STRN3: variants seen among roughly 807,000 people sequenced by gnomAD.
STRN3 encodes striatin 3.
Under a neutral mutation model 95.6 loss-of-function variants are expected in STRN3, and 29 were observed. That is an observed-to-expected ratio of 0.30 (90% confidence interval 0.23 to 0.41). The LOEUF (loss-of-function observed/expected upper bound fraction) is 0.41, where lower values mean the gene tolerates loss of function less well. Among genes scored for constraint, STRN3 ranks in the 10% least tolerant of loss-of-function variants. STRN3 has a pLI of 1.00. For missense variants in STRN3, 890 were observed against 972.1 expected, an observed-to-expected ratio of 0.92 and a Z score of 1.12; for synonymous variants, 331 against 357.6, an observed-to-expected ratio of 0.93 and a Z score of 0.84.
rs573276304 is a variant in STRN3, at chr14:30,896,841, A to G, written c.2138-1093T>C. On this transcript the variant is annotated intron_variant, in intron 16 of 17. Transcript: ENST00000357479. ...AAAATGTGACTTAATGAGTATCTTC[A>G]GTGAAGATTTGGCAAGCAAATGGAA... Among the ~76,000 whole-genome samples the G allele has an allele frequency of 5.3e-4, 80 of 152,346 alleles. 1 individual carries two copies. Among genetic ancestry groups the G allele is most frequent in the African/African-American group, 1.8e-3 (75 of 41,586 alleles).
At chr14:30,977,817 A>AC (rs57203170) in intron 1 of STRN3, among the ~76,000 whole-genome samples, 4 of 131,824 alleles carry the variant, frequency 3.0e-5, no homozygotes, top group African/African-American at 1.1e-4. Context: ...AAAAAAAAAA[A>AC]CATGAAAGAA....
chr14:30,911,177 G>T lies in STRN3; in HGVS notation c.1599-15C>A. The T allele has an allele frequency of 4.4e-6, 7 of 1,601,038 alleles. No individual in the cohort carries two copies. The highest frequency in any genetic ancestry group is 6.0e-6 in the Non-Finnish European group (7 of 1,175,940). ...GAACAGGGCCGCTATTGTAGGAAGA[G>T]AGGAAAAACAAATTACTGATAAATT... On this transcript the variant is annotated splice_polypyrimidine_tract_variant and intron_variant, in intron 12 of 17. Transcript: ENST00000357479.
chr14:30,912,344 C>T (rs1896632630), intron 10 of STRN3, 162 bp from the exon 11 acceptor site: 3 of 550,918 alleles, frequency 5.4e-6, no homozygotes. Flanking sequence ...TCTAAAAAAA[C>T]TTTATCATTT....
chr14:30,903,052 A>G (rs1896367625), intron 15 of STRN3, among the ~76,000 whole-genome samples: 1 of 152,124 alleles, frequency 6.6e-6, no homozygotes, highest in South Asian at 2.1e-4. Flanking sequence ...ACTGACAAAA[A>G]CAAAAAAACA....
intron 16 of STRN3, among the ~76,000 whole-genome samples, chr14:30,901,987 G>A (rs745921016): frequency 1.3e-5 from 2 of 151,522 alleles, no homozygotes; most frequent in Non-Finnish European, 2.9e-5. Context: ...GACCAACATG[G>A]AGAAACCCCG....
rs201181006 is a variant in STRN3, at chr14:30,912,107, G to A, written c.1450C>T (p.Arg484Trp). The A allele has an allele frequency of 4.3e-6, 7 of 1,614,062 alleles. No homozygotes were observed. Among genetic ancestry groups the A allele is most frequent in the Admixed American group, 3.3e-5 (2 of 60,000 alleles). Residue 484 changes from arginine (R) to tryptophan (W), a missense_variant, in exon 11 of 18, where the codon CGG (arginine) becomes TGG (tryptophan). Arg to Trp is a moderately radical substitution (Grantham distance 101). Coordinates refer to ENST00000357479, the MANE Select transcript of STRN3 (RefSeq NM_001083893.2). ...YTLRSHFDGV[R>W]ALAFHPVEPV... ...TCTACAGGATGAAAAGCTAATGCCC[G>A]TACTCCATCAAAATGGCTACGTAGT...
chr14:30,970,570 T>C (rs1027436071), intron 1 of STRN3, among the ~76,000 whole-genome samples: 3 of 152,172 alleles, frequency 2.0e-5, no homozygotes, highest in Non-Finnish European at 4.4e-5. Flanking sequence ...TTTTATGGTA[T>C]GGGGGCTGAG....
At chr14:30,927,318 A>C (rs547283004) in intron 8 of STRN3, among the ~76,000 whole-genome samples, 2 of 152,198 alleles carry the variant, frequency 1.3e-5, no homozygotes, top group African/African-American at 4.8e-5. Context: ...AATTTTGTTT[A>C]ATTTTTTAGT....
At chr14:30,955,568 T>C (rs774064679) in intron 3 of STRN3, 52 bp downstream of exon 3, 20 of 1,450,912 alleles carry the variant, frequency 1.4e-5, no homozygotes, top group Admixed American at 2.3e-5. Context: ...ACATGTCTGT[T>C]ACATAAAAAA....
intron 1 of STRN3, among the ~76,000 whole-genome samples, chr14:30,959,749 A>G (rs6571373): frequency 1 from 151,682 of 152,208 alleles, 75,585 homozygotes; most frequent in Non-Finnish European, 1. Flanking sequence ...TGCTTGAGCC[A>G]GGGACTTCGA....
chr14:30,947,181 A>G lies in STRN3; in HGVS notation c.625T>C (p.Ser209Pro). 1 of 1,613,482 alleles carries G rather than the reference A, an allele frequency of 6.2e-7. No individual in the cohort carries two copies. The highest frequency in any genetic ancestry group is 1.1e-5 in the South Asian group (1 of 91,006). The change falls in exon 5 of 18, where the codon TCA (serine) becomes CCA (proline). Residue 209 changes from serine to proline, a missense_variant. This residue lies in a region of STRN3 where 526 missense variants were observed against 526.3 expected (regional missense o/e 1.00). Coordinates refer to ENST00000357479, the MANE Select transcript of STRN3 (RefSeq NM_001083893.2). The stretch of plus-strand genomic sequence containing the variant: ...GTTTCTACTGATCCATTTGGTTCTG[A>G]ATTAGATAGTCCAAGTAATGACCTT... ...RVRSLLGLSN[S>P]EPNGSVETKN...
chr14:30,991,191 G>C (rs1451488639), intron 1 of STRN3, among the ~76,000 whole-genome samples: 1 of 152,170 alleles, frequency 6.6e-6, no homozygotes, highest in Non-Finnish European at 1.5e-5. Context: ...GTCATGTGGA[G>C]TAGGGCAAGG....
At chr14:30,952,845 G>A (rs146303033) in intron 3 of STRN3, among the ~76,000 whole-genome samples, 3,961 of 151,908 alleles carry the variant, frequency 0.026, 69 homozygotes, top group Non-Finnish European at 0.04. Flanking sequence ...ATAATCACTG[G>A]AGGAAAAAAA....
intron 1 of STRN3, among the ~76,000 whole-genome samples, chr14:30,992,533 G>GTT (rs897576345): frequency 1.5e-5 from 2 of 136,990 alleles, no homozygotes; most frequent in Non-Finnish European, 3.0e-5. Flanking sequence ...GATTACAAGA[G>GTT]TGAGCGCCAC....
At chr14:30,981,607 C>CACA (rs1555323903) in intron 1 of STRN3, among the ~76,000 whole-genome samples, 2 of 149,924 alleles carry the variant, frequency 1.3e-5, no homozygotes, top group African/African-American at 2.5e-5. Flanking sequence ...CACACACACA[C>CACA]CCCATAATTC....
chr14:30,914,622 G>T (rs1896690173), intron 9 of STRN3, among the ~76,000 whole-genome samples: 1 of 152,134 alleles, frequency 6.6e-6, no homozygotes, highest in South Asian at 2.1e-4. Context: ...AAAGTGCTGG[G>T]ATTACAGGCG....
intron 1 of STRN3, among the ~76,000 whole-genome samples, chr14:30,967,281 G>A (rs1327219004): frequency 7.0e-6 from 1 of 143,420 alleles, no homozygotes; most frequent in East Asian, 2.3e-4. Context: ...AAGAGAGGCA[G>A]AGAGGGGGGA....
At position 30,913,506 on chromosome 14, in the gene STRN3, A is replaced by G; in HGVS notation, c.1374+18T>C. ...TTCTATTAAATCATTAAAAAATTAA[A>G]AATAAAACTGCACTTACATCATAAC... On this transcript the variant is annotated intron_variant, in intron 10 of 17. Coordinates refer to ENST00000357479, the MANE Select transcript of STRN3 (RefSeq NM_001083893.2). The G allele has an allele frequency of 6.4e-7, 1 of 1,567,218 alleles. No homozygotes were observed. Among genetic ancestry groups the G allele is most frequent in the Non-Finnish European group, 8.6e-7 (1 of 1,161,566 alleles).
intron 5 of STRN3, 33 bp from the exon 6 acceptor site, chr14:30,936,657 T>G (rs934099249): frequency 6.3e-7 from 1 of 1,588,200 alleles, no homozygotes; most frequent in Non-Finnish European, 8.5e-7. Context: ...AATCCAACTA[T>G]TCCAATGGTT....
Sources: allele counts gnomAD v4.1 joint callset (sites outside exome capture counted in the v4.1 genomes callset), GRCh38; gene constraint gnomAD v4.1.1; regional missense constraint gnomAD v4.1.1; transcripts MANE v1.5; gene names NCBI Gene and HGNC (gene_info 2026-07-23, HGNC 2026-07-21).